Variants in IMMP2L observed in about 807,000 individuals in gnomAD.
The protein encoded by IMMP2L is inner mitochondrial membrane peptidase subunit 2, also known as mitochondrial inner membrane protease subunit 2.
Under a neutral mutation model 19.3 loss-of-function variants are expected in IMMP2L, and 18 were observed. The observed-to-expected ratio is 0.93, with a 90% CI of 0.64 to 1.38. The LOEUF (loss-of-function observed/expected upper bound fraction) is 1.38. Among genes scored for constraint, IMMP2L ranks in the 40% most tolerant of loss-of-function variants. The pLI is 0.00. For synonymous variants in IMMP2L, 76 were observed against 73.0 expected (o/e 1.04, Z -0.21); for missense variants, 233 against 218.2 (o/e 1.07, Z -0.43).
At chr7:111,270,055 G>A (rs1455206943) in intron 3 of IMMP2L, among the ~76,000 whole-genome samples, 1 of 137,484 alleles carries the variant, frequency 7.3e-6, no homozygotes, top group Non-Finnish European at 1.6e-5. Context: ...ATGCATGTGT[G>A]TCTGTGTGTG....
intron 3 of IMMP2L, among the ~76,000 whole-genome samples, chr7:111,402,643 G>A (rs754324093): frequency 2.6e-5 from 4 of 152,012 alleles, no homozygotes; most frequent in Non-Finnish European, 5.9e-5. Context: ...TTACCAGGAG[G>A]CAGAGGTTAC....
chr7:110,672,196 C>T (rs1791968997), intron 5 of IMMP2L, among the ~76,000 whole-genome samples: 1 of 151,984 alleles, frequency 6.6e-6, no homozygotes, highest in South Asian at 2.1e-4. Flanking sequence ...CAAACATGTC[C>T]TTCTTCACAT....
chr7:111,290,496 CT>C (rs764094142), intron 3 of IMMP2L, among the ~76,000 whole-genome samples: 9 of 150,244 alleles, frequency 6.0e-5, no homozygotes, highest in Non-Finnish European at 1.0e-4. Context: ...GCATGATTGA[CT>C]TCTTTTTAAA....
chr7:111,508,427 T>A (rs1040733485), intron 2 of IMMP2L, among the ~76,000 whole-genome samples: 7 of 152,174 alleles, frequency 4.6e-5, no homozygotes, highest in African/African-American at 1.7e-4. Context: ...GTCTTTCTAC[T>A]CCTTAGCTCA....
intron 3 of IMMP2L, among the ~76,000 whole-genome samples, chr7:111,380,348 C>T (rs545179441): frequency 2.6e-5 from 4 of 152,008 alleles, no homozygotes; most frequent in South Asian, 2.1e-4. Context: ...AGATAATGAT[C>T]GTTTGTCAAA....
At chr7:111,155,178 G>GT (rs1804506635) in intron 3 of IMMP2L, among the ~76,000 whole-genome samples, 1 of 152,084 alleles carries the variant, frequency 6.6e-6, no homozygotes, top group Admixed American at 6.6e-5. Context: ...TGAATTTGTT[G>GT]TAAGAAACAG....
intron 3 of IMMP2L, among the ~76,000 whole-genome samples, chr7:111,276,172 C>G (rs1434454645): frequency 6.6e-6 from 1 of 151,972 alleles, no homozygotes; most frequent in Non-Finnish European, 1.5e-5. Context: ...CTGAATTTTA[C>G]TGAAGGAAAT....
At chr7:111,217,166 C>A (rs1221821773) in intron 3 of IMMP2L, among the ~76,000 whole-genome samples, 2 of 140,454 alleles carry the variant, frequency 1.4e-5, no homozygotes, top group Non-Finnish European at 3.0e-5. Flanking sequence ...ACACAATATG[C>A]AGTGGAGTTA....
chr7:111,428,461 T>G (rs1836304039), intron 3 of IMMP2L, among the ~76,000 whole-genome samples: 1 of 151,750 alleles, frequency 6.6e-6, no homozygotes, highest in South Asian at 2.1e-4. Flanking sequence ...TACAAGATGC[T>G]TCATATGTGA....
intron 3 of IMMP2L, among the ~76,000 whole-genome samples, chr7:111,371,152 A>G (rs1250409499): frequency 6.6e-6 from 1 of 151,930 alleles, no homozygotes; most frequent in Non-Finnish European, 1.5e-5. Context: ...CAAAATACAT[A>G]GCAACTTGAG....
At chr7:110,973,198 T>C (rs1820336148) in intron 3 of IMMP2L, among the ~76,000 whole-genome samples, 1 of 152,172 alleles carries the variant, frequency 6.6e-6, no homozygotes, top group South Asian at 2.1e-4. Flanking sequence ...CACAAAAAGA[T>C]AAATATATGA....
chr7:111,284,147 C>A (rs1352655941), intron 3 of IMMP2L, among the ~76,000 whole-genome samples: 1 of 149,002 alleles, frequency 6.7e-6, no homozygotes, highest in East Asian at 1.9e-4. Flanking sequence ...GGGCTCAATG[C>A]TGGGAACACT....
chr7:110,834,085 T>G (rs1447439338), intron 5 of IMMP2L, among the ~76,000 whole-genome samples: 1 of 152,234 alleles, frequency 6.6e-6, no homozygotes, highest in Non-Finnish European at 1.5e-5. Context: ...AGCGTCTTTC[T>G]CCTTATAATT....
At chr7:111,403,434 T>G (rs1204236893) in intron 3 of IMMP2L, among the ~76,000 whole-genome samples, 3 of 151,238 alleles carry the variant, frequency 2.0e-5, no homozygotes, top group Non-Finnish European at 4.4e-5. Flanking sequence ...AAAAACAGAC[T>G]AATACAGCCC....
At chr7:110,909,641 G>A (rs997035234) in intron 4 of IMMP2L, among the ~76,000 whole-genome samples, 2 of 152,058 alleles carry the variant, frequency 1.3e-5, no homozygotes, top group African/African-American at 4.8e-5. Flanking sequence ...TCTCTCAGAG[G>A]CTACTCTCTG....
intron 3 of IMMP2L, among the ~76,000 whole-genome samples, chr7:111,306,419 T>C (rs935972043): frequency 5.3e-5 from 8 of 152,260 alleles, no homozygotes; most frequent in Admixed American, 2.0e-4. Flanking sequence ...AGTAGGTACA[T>C]AGAAAATCTC....
At chr7:110,850,961 AG>A (rs984649219) in intron 5 of IMMP2L, among the ~76,000 whole-genome samples, 5 of 152,022 alleles carry the variant, frequency 3.3e-5, no homozygotes, top group Non-Finnish European at 7.4e-5. Context: ...AAGAAAAAAA[AG>A]ATTAATAACC....
chr7:111,225,951 C>T (rs982259947), intron 3 of IMMP2L, among the ~76,000 whole-genome samples: 1 of 152,088 alleles, frequency 6.6e-6, no homozygotes, highest in East Asian at 1.9e-4. Context: ...CTTTATCATC[C>T]TTAGGCAGTG....
At chr7:111,249,225 G>A (rs1332045438) in intron 3 of IMMP2L, among the ~76,000 whole-genome samples, 2 of 90,888 alleles carry the variant, frequency 2.2e-5, no homozygotes, top group East Asian at 3.0e-4. Context: ...GTCTCGTGGT[G>A]CGCCGTTTCT....
Sources: gnomAD v4.1 joint callset for allele counts (sites outside exome capture counted in the v4.1 genomes callset) on GRCh38, gnomAD v4.1.1 for gene constraint, MANE v1.5 for transcripts, NCBI Gene and HGNC (gene_info 2026-07-23, HGNC 2026-07-21) for gene names.